MVP: variants seen among roughly 807,000 people sequenced by gnomAD.
The protein encoded by MVP is lung resistance-related protein.
MVP carries 62 observed loss-of-function variants against 83.5 expected under a neutral mutation model. That is an observed-to-expected ratio of 0.74 (90% CI 0.61 to 0.92). MVP has a LOEUF of 0.92. Among genes scored for constraint, MVP ranks in the 40% least tolerant of loss-of-function variants. MVP has a pLI of 0.00. For synonymous variants in MVP, 505 were observed against 504.1 expected (o/e 1.00, Z -0.02); for missense variants, 1,000 against 1,203.4 (o/e 0.83, Z 2.50).
At chr16:29,840,524 GGT>G (rs2067526472) in intron 8 of MVP, 65 bp downstream of exon 8, 1 of 1,504,992 alleles carries the variant, frequency 6.6e-7, no homozygotes, top group East Asian at 2.5e-5. Flanking sequence ...GCTTCCTCTG[GGT>G]GTGTGGAAGA....
chr16:29,841,628 G>A lies in MVP; in HGVS notation c.1224G>A (p.Leu408=), dbSNP rs1268402874. 2.5e-6 allele frequency: 4 copies of A among 1,611,130 alleles called. No homozygotes were observed. The African/African-American group carries it at 5.3e-5, about 22-fold the overall frequency. Reference sequence around the variant, plus strand: ...CTGTGATTGGAAGCACCTACATGCTGACCCAGGACGAAGTCCTGTGGGAGA... The same window carrying A: ...CTGTGATTGGAAGCACCTACATGCTAACCCAGGACGAAGTCCTGTGGGAGA... ...VRAVIGSTYM[L]TQDEVLWEKE... The change falls in exon 9 of 15, where the codon CTG becomes CTA. Residue 408 remains leucine (L), a synonymous_variant. Transcript: ENST00000357402. This position sits in a 1 kb window ranked among gnomAD's most constrained non-coding sequence, Gnocchi z 4.7.
At position 29,825,476 on chromosome 16, in the gene MVP, A is replaced by G. The variant is rs146347803; in HGVS notation, c.-36+4966A>G. On this transcript the variant is annotated intron_variant, in intron 1 of 14. Transcript: ENST00000357402. ...TGTCACCAATGTGCTGCCTGAGTCAAAGGGTTTCCCTGGCTCACCTCCATA... is the reference window on the plus strand; with the variant it reads ...TGTCACCAATGTGCTGCCTGAGTCAGAGGGTTTCCCTGGCTCACCTCCATA... Among the ~76,000 whole-genome samples, 319 of 152,330 alleles carry G rather than the reference A, an allele frequency of 2.1e-3. 2 individuals are homozygous for G. Among genetic ancestry groups the G allele is most frequent in the African/African-American group, 7.3e-3 (305 of 41,568 alleles).
rs1365722411 is a variant in MVP at position 29,841,918 on chromosome 16, G to A, written c.1440G>A (p.Val480=). ...TGACCCTCGGCTGTCTCTGCAGCGT[G>A]GTCTTCGGGCCTGAGCTGGTGTCGC... ...VYDYREKRAR[V]VFGPELVSLG... The change falls in exon 10 of 15, where the codon GTG becomes GTA. Residue 480 remains valine (V), a synonymous_variant. Transcript: ENST00000357402. This position sits in a 1 kb window ranked among gnomAD's most constrained non-coding sequence, Gnocchi z 4.7. 1 of 1,612,134 alleles carries A rather than the reference G, an allele frequency of 6.2e-7. No homozygotes were observed. Among genetic ancestry groups the A allele is most frequent in the African/African-American group, 1.3e-5 (1 of 74,926 alleles).
intron 1 of MVP, among the ~76,000 whole-genome samples, chr16:29,828,684 TA>T: frequency 6.6e-6 from 1 of 152,106 alleles, no homozygotes; most frequent in Non-Finnish European, 1.5e-5. Context: ...CCGGCCAAGT[TA>T]AAGGGTTTTT....
chr16:29,845,709 G>A (rs1025005041), intron 11 of MVP, among the ~76,000 whole-genome samples, 154 bp from the exon 12 acceptor site: 9 of 152,216 alleles, frequency 5.9e-5, no homozygotes, highest in African/African-American at 9.7e-5. Context: ...GGCTTGTGGC[G>A]CGTATACCAT....
intron 8 of MVP, among the ~76,000 whole-genome samples, chr16:29,840,771 T>A (rs1393741472): frequency 2.6e-5 from 4 of 152,062 alleles, no homozygotes; most frequent in African/African-American, 9.7e-5. Context: ...GGAAACCCTG[T>A]CTCTACTAAA....
intron 1 of MVP, chr16:29,821,308 A>G (rs2067357612): frequency 6.6e-6 from 1 of 151,524 alleles, no homozygotes; most frequent in Non-Finnish European, 1.5e-5. Context: ...TCTGCCAGAA[A>G]CTCCCTTGGC....
chr16:29,847,997 T>A lies in MVP; in HGVS notation c.*8T>A. On this transcript the variant is annotated 3_prime_UTR_variant, in exon 15 of 15. Transcript: ENST00000357402. ...GTGCCTGTACTGCGCTAACTCCTGA[T>A]TAATACAATGGAAGTTTCTGGGCAT... 1 of 1,604,498 alleles carries A rather than the reference T, an allele frequency of 6.2e-7. No homozygotes were observed. Among genetic ancestry groups the A allele is most frequent in the African/African-American group, 1.3e-5 (1 of 74,410 alleles).
chr16:29,841,967 G>C lies in MVP; in HGVS notation c.1489G>C (p.Val497Leu). The C allele has an allele frequency of 6.2e-7, 1 of 1,612,910 alleles. No individual in the cohort carries two copies. ...GCTGGGTCCTGAGGAGCAGTTCACA[G>C]TGTTGTCCCTCTCAGCTGGGCGGCC... is the stretch of plus-strand genomic sequence containing the variant. Reference protein sequence around the residue: ...VSLGPEEQFTVLSLSAGRPKR... With the variant: ...VSLGPEEQFTLLSLSAGRPKR... Residue 497 changes from valine (V) to leucine (L), a missense_variant, in exon 10 of 15, where the codon GTG (valine) becomes CTG (leucine). Physicochemically the swap from Val to Leu is conservative, Grantham distance 32. Coordinates refer to ENST00000357402, the MANE Select transcript of MVP (RefSeq NM_005115.5). The surrounding 1 kb of genome is among the most constrained non-coding windows in gnomAD (Gnocchi z 4.7).
chr16:29,827,642 G>A (rs866472533), intron 1 of MVP, among the ~76,000 whole-genome samples: 7 of 152,190 alleles, frequency 4.6e-5, no homozygotes, highest in Non-Finnish European at 1.0e-4. Flanking sequence ...AGCTGGGTAC[G>A]GTAGCGTACC....
intron 7 of MVP, 49 bp downstream of exon 7, chr16:29,837,007 C>T (rs1348767532): frequency 6.5e-7 from 1 of 1,531,656 alleles, no homozygotes; most frequent in Non-Finnish European, 8.9e-7. Flanking sequence ...GATGTATGTC[C>T]TCTAGTGGCA....
chr16:29,847,898 G>GT lies in MVP; in HGVS notation c.2592dup (p.Gly865TrpfsTer34). ...CAGCCCCTGGGCAGAAGGGTGGCCA[G>GT]TGGGCCCAGCCCTGGGGAGGGGATA... On this transcript the variant is annotated frameshift_variant, in exon 15 of 15. Transcript: ENST00000357402. LOFTEE classifies it low-confidence loss of function (END_TRUNC). 1 of 1,614,030 alleles carries GT rather than the reference G, an allele frequency of 6.2e-7. No homozygotes were observed. Among genetic ancestry groups the GT allele is most frequent in the South Asian group, 1.1e-5 (1 of 91,082 alleles).
chr16:29,845,884 G>A lies in MVP; in HGVS notation c.2043G>A (p.Glu681=). ...AAAKHEAQRL[E]QEARGRLERQ... is the part of the protein sequence containing the mutation. Reference sequence around the variant, plus strand: ...CCAGGCATGAGGCTCAGAGACTGGAGCAGGAAGCCCGCGGCCGGCTTGAGC... The same window carrying A: ...CCAGGCATGAGGCTCAGAGACTGGAACAGGAAGCCCGCGGCCGGCTTGAGC... The change falls in exon 12 of 15, where the codon GAG becomes GAA. Residue 681 remains glutamate (E), a synonymous_variant. Transcript: ENST00000357402. 4 of 1,614,058 alleles carry A rather than the reference G, an allele frequency of 2.5e-6. No homozygotes were observed. The highest frequency in any genetic ancestry group is 1.1e-5 in the South Asian group (1 of 91,082).
chr16:29,843,562 GAGGGAGGGAGGGAGGGAGGAAGGGAGGA>G (rs2067554380), intron 10 of MVP, among the ~76,000 whole-genome samples: 4 of 49,944 alleles, frequency 8.0e-5, no homozygotes, highest in Admixed American at 1.7e-4. Context: ...GGGAGGGAGG[GAGGGAGGGAGGGAGGGAGGAAGGGAGGA>G]AGGGAGGGAG....
rs768941467 is a variant in MVP, at chr16:29,841,900, C to G, written c.1437-15C>G. On this transcript the variant is annotated splice_polypyrimidine_tract_variant and intron_variant, in intron 9 of 14. Transcript: ENST00000357402. The surrounding 1 kb of genome is among the most constrained non-coding windows in gnomAD (Gnocchi z 4.7). ...TCTCCATGGGTCTGGCTCTGACCCT[C>G]GGCTGTCTCTGCAGCGTGGTCTTCG... The G allele has an allele frequency of 8.7e-6, 14 of 1,611,276 alleles. No homozygotes were observed. Among genetic ancestry groups the G allele is most frequent in the Non-Finnish European group, 1.2e-5 (14 of 1,179,980 alleles).
intron 1 of MVP, among the ~76,000 whole-genome samples, chr16:29,826,876 G>C (rs934001682): frequency 6.7e-6 from 1 of 149,886 alleles, no homozygotes; most frequent in Non-Finnish European, 1.5e-5. Context: ...GCGGTGAGCC[G>C]AGATTGCGCC....
At chr16:29,833,037 C>G (rs1375444646) in intron 3 of MVP, among the ~76,000 whole-genome samples, 4 of 151,516 alleles carry the variant, frequency 2.6e-5, no homozygotes, top group Admixed American at 2.6e-4. Flanking sequence ...TGCGCTCCAG[C>G]CTGGGTGACA....
rs1261179969 is a variant in MVP, at chr16:29,847,939, C to T, written c.2632C>T (p.Gln878Ter). The T allele has an allele frequency of 1.9e-6, 3 of 1,612,338 alleles. No individual in the cohort carries two copies. Among genetic ancestry groups the T allele is most frequent in the African/African-American group, 1.3e-5 (1 of 74,828 alleles). The change falls in exon 15 of 15, where the codon CAG (glutamine) becomes TAG (stop). Residue 878 changes from glutamine (Q) to a stop codon, truncating the protein, a stop_gained. Transcript: ENST00000357402. LOFTEE classifies it low-confidence loss of function (END_TRUNC). ...PGEGISPQSA[Q>*]APQAPGDNHV... Reference sequence around the variant, plus strand: ...GGAGGGGATATCCCCCCAGTCTGCTCAGGCCCCTCAAGCTCCTGGAGACAA... The same window carrying T: ...GGAGGGGATATCCCCCCAGTCTGCTTAGGCCCCTCAAGCTCCTGGAGACAA...
At chr16:29,824,211 CAAAAAAAA>C (rs61338952) in intron 1 of MVP, among the ~76,000 whole-genome samples, 7 of 39,638 alleles carry the variant, frequency 1.8e-4, no homozygotes, top group African/African-American at 3.2e-4. Context: ...AACTCCATCT[CAAAAAAAA>C]AAAAAAAAAA....
Sources: allele counts gnomAD v4.1 joint callset (sites outside exome capture counted in the v4.1 genomes callset), GRCh38; gene constraint gnomAD v4.1.1; non-coding constraint Gnocchi (gnomAD v3.1); transcripts MANE v1.5; gene names NCBI Gene and HGNC (gene_info 2026-07-23, HGNC 2026-07-21).